The following TBC1D22A variants were observed in gnomAD, a reference collection of about 807,000 sequenced individuals.
TBC1D22A encodes the protein putative GTPase activator.
In TBC1D22A, 38 loss-of-function variants were observed where a neutral mutation model predicts 60.2. The observed-to-expected ratio is 0.63, with a 90% CI of 0.49 to 0.83. TBC1D22A has a LOEUF of 0.83. Among genes scored for constraint, TBC1D22A ranks in the 40% least tolerant of loss-of-function variants. The pLI is 0.00. For synonymous variants in TBC1D22A, 302 were observed against 281.7 expected, an observed-to-expected ratio of 1.07 and a Z score of -0.72; for missense variants, 628 against 701.0, an observed-to-expected ratio of 0.90 and a Z score of 1.18.
intron 12 of TBC1D22A, among the ~76,000 whole-genome samples, chr22:47,168,505 G>A (rs937589194): frequency 2.0e-5 from 3 of 152,216 alleles, no homozygotes; most frequent in Non-Finnish European, 1.5e-5. Flanking sequence ...CAGCAGGGAC[G>A]CATCTGCAGT....
intron 8 of TBC1D22A, among the ~76,000 whole-genome samples, chr22:46,950,087 A>G (rs2148000447): frequency 6.6e-6 from 1 of 152,248 alleles, no homozygotes; most frequent in East Asian, 1.9e-4. Context: ...GGTGGACTCC[A>G]GGAGACCAGT....
intron 12 of TBC1D22A, among the ~76,000 whole-genome samples, chr22:47,125,818 C>A (rs1417580753): frequency 6.6e-6 from 1 of 152,158 alleles, no homozygotes; most frequent in East Asian, 1.9e-4. Flanking sequence ...GCAGGCCAAC[C>A]CCAGCCTGAG....
chr22:46,766,574 C>T (rs957651714), intron 1 of TBC1D22A, among the ~76,000 whole-genome samples: 13 of 151,488 alleles, frequency 8.6e-5, no homozygotes, highest in African/African-American at 7.3e-5. Context: ...CTCGCTCTGT[C>T]GCCCAGACTG....
chr22:46,907,100 G>A (rs553516186), intron 7 of TBC1D22A, among the ~76,000 whole-genome samples: 16 of 151,706 alleles, frequency 1.1e-4, no homozygotes, highest in African/African-American at 3.4e-4. Context: ...TGCTCTTCAC[G>A]TGTGTGCGCT....
chr22:47,089,498 C>T (rs896554712), intron 11 of TBC1D22A, among the ~76,000 whole-genome samples: 3 of 152,292 alleles, frequency 2.0e-5, no homozygotes, highest in Admixed American at 6.5e-5. Flanking sequence ...TCACACCACA[C>T]GTAGACGTAC....
chr22:46,786,379 G>A (rs1464865303), intron 1 of TBC1D22A, among the ~76,000 whole-genome samples: 3 of 152,042 alleles, frequency 2.0e-5, no homozygotes, highest in Non-Finnish European at 2.9e-5. Context: ...ATTATGATGC[G>A]TAATCCCTTT....
chr22:46,915,906 A>G (rs1288065199), intron 8 of TBC1D22A: 1 of 450,800 alleles, frequency 2.2e-6, no homozygotes, highest in Non-Finnish European at 4.5e-6. Flanking sequence ...GGAGGTTCCA[A>G]CTCTGCACAT....
intron 11 of TBC1D22A, among the ~76,000 whole-genome samples, chr22:47,042,330 C>T (rs1245054610): frequency 6.6e-6 from 1 of 152,216 alleles, no homozygotes; most frequent in Non-Finnish European, 1.5e-5. Context: ...GCCAGAGCCC[C>T]CATCAGTGCG....
chr22:46,975,207 C>T (rs900575292), intron 9 of TBC1D22A, among the ~76,000 whole-genome samples: 1 of 152,056 alleles, frequency 6.6e-6, no homozygotes, highest in Non-Finnish European at 1.5e-5. Flanking sequence ...GTGCTGTGCT[C>T]CACACCCGGG....
chr22:47,067,875 TTGTC>T (rs1331275258), intron 11 of TBC1D22A, among the ~76,000 whole-genome samples: 7 of 152,326 alleles, frequency 4.6e-5, no homozygotes, highest in African/African-American at 1.4e-4. Context: ...GAACACACAC[TTGTC>T]TGTCTGTCGA....
chr22:47,101,279 T>C (rs2065404784), intron 11 of TBC1D22A, among the ~76,000 whole-genome samples: 2 of 152,238 alleles, frequency 1.3e-5, no homozygotes, highest in South Asian at 4.1e-4. Context: ...CTCTGCAGAC[T>C]GGCAGTGTGA....
intron 4 of TBC1D22A, among the ~76,000 whole-genome samples, chr22:46,802,925 A>G (rs2084958263): frequency 6.6e-6 from 1 of 152,084 alleles, no homozygotes; most frequent in Non-Finnish European, 1.5e-5. Context: ...GGCAAGAGCC[A>G]GGACCCCCAT....
rs540485641 is a variant in TBC1D22A, at chr22:47,155,550, G to A, written c.1426-17948G>A. ...GCCCTGGGGATGCCCGGCCACTGTG[G>A]ACCAGTGACCATGTTGGGCAGATGG... is the stretch of plus-strand genomic sequence containing the variant. On this transcript the variant is annotated intron_variant, in intron 12 of 12. Transcript: ENST00000337137. 7.9e-5 allele frequency among the ~76,000 whole-genome samples: 12 copies of A among 152,340 alleles called. No homozygotes were observed. The South Asian group carries it at 1.9e-3, about 24-fold the overall frequency.
At chr22:47,133,016 G>A (rs1309965703) in intron 12 of TBC1D22A, among the ~76,000 whole-genome samples, 1 of 152,230 alleles carries the variant, frequency 6.6e-6, no homozygotes, top group East Asian at 1.9e-4. Flanking sequence ...AGGGAGCCAA[G>A]TGTGCTCATT....
At chr22:47,022,258 G>A (rs1255644275) in intron 10 of TBC1D22A, among the ~76,000 whole-genome samples, 1 of 152,162 alleles carries the variant, frequency 6.6e-6, no homozygotes, top group African/African-American at 2.4e-5. Flanking sequence ...TGAATCAACT[G>A]AAAGCTGGAA....
At chr22:47,003,448 A>G (rs1185457860) in intron 10 of TBC1D22A, among the ~76,000 whole-genome samples, 3 of 149,404 alleles carry the variant, frequency 2.0e-5, no homozygotes, top group South Asian at 2.1e-4. Context: ...GTACACACGC[A>G]CCCTACGCAC....
intron 11 of TBC1D22A, among the ~76,000 whole-genome samples, chr22:47,091,904 G>C (rs2064991770): frequency 6.6e-6 from 1 of 152,208 alleles, no homozygotes; most frequent in African/African-American, 2.4e-5. Flanking sequence ...TTTGGGTACA[G>C]AGCTCTGTGA....
At chr22:46,900,715 ATCAGGAGT>A (rs1488305821) in intron 7 of TBC1D22A, among the ~76,000 whole-genome samples, 1 of 152,204 alleles carries the variant, frequency 6.6e-6, no homozygotes, top group Non-Finnish European at 1.5e-5. Flanking sequence ...TGTTGCAAGG[ATCAGGAGT>A]TCATTGCCTT....
At chr22:47,030,737 C>T (rs1355028965) in intron 10 of TBC1D22A, among the ~76,000 whole-genome samples, 1 of 152,220 alleles carries the variant, frequency 6.6e-6, no homozygotes, top group African/African-American at 2.4e-5. Flanking sequence ...TTACCTTTAT[C>T]AGTGAAAGAG....
Sources: allele counts gnomAD v4.1 joint callset (sites outside exome capture counted in the v4.1 genomes callset), GRCh38; gene constraint gnomAD v4.1.1; transcripts MANE v1.5; gene names NCBI Gene and HGNC (gene_info 2026-07-23, HGNC 2026-07-21).